Variants in DAB1 observed in about 807,000 individuals in gnomAD.
DAB1 encodes the protein disabled homolog 1.
In DAB1, 15 loss-of-function variants were observed where a neutral mutation model predicts 64.6. The observed-to-expected ratio is 0.23, with a 90% confidence interval of 0.16 to 0.36. The LOEUF is 0.36. Among genes scored for constraint, DAB1 ranks in the 10% least tolerant of loss-of-function variants. DAB1 has a pLI of 1.00. For synonymous variants in DAB1, 235 were observed against 251.9 expected, an observed-to-expected ratio of 0.93 and a Z score of 0.64; for missense variants, 596 against 706.7, an observed-to-expected ratio of 0.84 and a Z score of 1.78.
chr1:58,221,272 T>G (rs1659158216), intron 4 of DAB1, among the ~76,000 whole-genome samples: 1 of 152,210 alleles, frequency 6.6e-6, no homozygotes, highest in African/African-American at 2.4e-5. Context: ...TATAGATTGC[T>G]AGAACTGATC....
chr1:58,000,846 C>T (rs1646497321), intron 5 of DAB1, among the ~76,000 whole-genome samples: 1 of 152,004 alleles, frequency 6.6e-6, no homozygotes, highest in South Asian at 2.1e-4. Context: ...GCTGGGATTA[C>T]AGGTACGAGC....
intron 4 of DAB1, among the ~76,000 whole-genome samples, chr1:58,221,466 C>T (rs776276247): frequency 6.6e-6 from 1 of 152,202 alleles, no homozygotes; most frequent in Non-Finnish European, 1.5e-5. Flanking sequence ...CACATGCTTG[C>T]AAGCAAACCA....
At chr1:57,612,584 G>C (rs1645741828) in intron 7 of DAB1, among the ~76,000 whole-genome samples, 1 of 152,162 alleles carries the variant, frequency 6.6e-6, no homozygotes, top group South Asian at 2.1e-4. Flanking sequence ...ACAGGTGCAG[G>C]CATTCCTAGA....
chr1:57,423,450 G>T (rs920359489), intron 1 of DAB1, among the ~76,000 whole-genome samples: 1 of 152,138 alleles, frequency 6.6e-6, no homozygotes, highest in African/African-American at 2.4e-5. Flanking sequence ...GAGGAGTAGG[G>T]AAGTGAGAAC....
At position 57,918,067 on chromosome 1, in the gene DAB1, CAATAAATA is replaced by C. The variant is rs59397849; in HGVS notation, n.388-33913_388-33906del. ...GGGGTGACAGAGTGAGACTCCGTCT[CAATAAATA>C]AATAAATAAATAAATAAATAAATAA... On this transcript the variant is annotated intron_variant and non_coding_transcript_variant, in intron 5 of 20. Coordinates refer to the DAB1 transcript ENST00000485760. Among the ~76,000 whole-genome samples the C allele has an allele frequency of 5.0e-3, 689 of 138,682 alleles. 1 individual carries two copies. The highest frequency in any genetic ancestry group is 0.014 in the Middle Eastern group (4 of 276). 91.0% of individuals were successfully genotyped at this position (138,682 alleles called of 152,430 possible). A position where few individuals can be genotyped will look rare whatever the true frequency, so the allele number is the denominator to read the frequency against.
At chr1:57,857,874 GA>G (rs1245082848) in intron 1 of DAB1, among the ~76,000 whole-genome samples, 122 of 78,976 alleles carry the variant, frequency 1.5e-3, no homozygotes, top group African/African-American at 4.5e-3. Context: ...AAAGAAAAAA[GA>G]AAAAAAAAAG....
intron 1 of DAB1, among the ~76,000 whole-genome samples, chr1:57,321,090 G>A (rs34475805): frequency 0.021 from 3,166 of 152,242 alleles, 40 homozygotes; most frequent in South Asian, 0.037. Context: ...GTGTTAAAGG[G>A]CACACAGCTA....
intron 3 of DAB1, among the ~76,000 whole-genome samples, chr1:58,352,898 T>C (rs1043722290): frequency 8.5e-5 from 13 of 152,162 alleles, no homozygotes; most frequent in Non-Finnish European, 1.2e-4. Context: ...AACCAGGAAG[T>C]TGGCCTTCAC....
chr1:58,409,985 G>A (rs1644651285), intron 3 of DAB1, among the ~76,000 whole-genome samples: 1 of 152,058 alleles, frequency 6.6e-6, no homozygotes, highest in African/African-American at 2.4e-5. Flanking sequence ...TTGAGAACCT[G>A]TACTTCCCCA....
At chr1:57,909,599 C>A (rs559267126) in intron 5 of DAB1, among the ~76,000 whole-genome samples, 1 of 151,932 alleles carries the variant, frequency 6.6e-6, no homozygotes, top group Non-Finnish European at 1.5e-5. Flanking sequence ...TGTGATTGCC[C>A]ATTACAGCTA....
At chr1:57,277,775 G>A (rs917935084) in intron 2 of DAB1, among the ~76,000 whole-genome samples, 1 of 152,124 alleles carries the variant, frequency 6.6e-6, no homozygotes, top group African/African-American at 2.4e-5. Context: ...GTGCACATTT[G>A]TCAAAGGCAG....
chr1:57,768,002 C>T (rs1649391640), intron 6 of DAB1, among the ~76,000 whole-genome samples: 1 of 151,674 alleles, frequency 6.6e-6, no homozygotes. Context: ...CACAGCAAAA[C>T]CCCGTCTCAA....
chr1:58,183,855 C>G lies in DAB1; in HGVS notation n.310-33267G>C, dbSNP rs142876947. ...CTTGCAATCAGTTTTTCTTTTATTC[C>G]TCTTTTCATTTTTAAGCCTGTTAGA... On this transcript the variant is annotated intron_variant and non_coding_transcript_variant, in intron 4 of 20. Coordinates refer to the DAB1 transcript ENST00000485760. 6.7e-3 allele frequency among the ~76,000 whole-genome samples: 1,024 copies of G among 151,878 alleles called. 12 individuals carry two copies. The highest frequency in any genetic ancestry group is 0.014 in the Middle Eastern group (4 of 292).
chr1:58,323,322 T>C (rs1452776231), intron 4 of DAB1, among the ~76,000 whole-genome samples: 1 of 152,074 alleles, frequency 6.6e-6, no homozygotes, highest in African/African-American at 2.4e-5. Context: ...GGTGAGTTTA[T>C]CACTTCCCCT....
At chr1:58,490,192 GA>G (rs1161179801) in intron 3 of DAB1, among the ~76,000 whole-genome samples, 1 of 152,076 alleles carries the variant, frequency 6.6e-6, no homozygotes, top group Non-Finnish European at 1.5e-5. Flanking sequence ...TAAAAATCTT[GA>G]AAAAAGATTA....
At chr1:57,605,242 C>T (rs1028139266) in intron 7 of DAB1, among the ~76,000 whole-genome samples, 3 of 152,168 alleles carry the variant, frequency 2.0e-5, no homozygotes, top group African/African-American at 7.2e-5. Context: ...TTTCTGTCTT[C>T]CCAGTAGATT....
intron 4 of DAB1, among the ~76,000 whole-genome samples, chr1:58,246,837 T>A (rs1294116728): frequency 6.6e-6 from 1 of 151,972 alleles, no homozygotes. Context: ...TGTGACTCTG[T>A]GTGTGAAGGT....
chr1:57,702,549 G>C (rs1646919019), intron 6 of DAB1, among the ~76,000 whole-genome samples: 1 of 152,064 alleles, frequency 6.6e-6, no homozygotes. Context: ...ATAAAGGTAT[G>C]CCATGATGTT....
chr1:58,389,658 A>G (rs1160848063), intron 3 of DAB1, among the ~76,000 whole-genome samples: 1 of 152,192 alleles, frequency 6.6e-6, no homozygotes, highest in African/African-American at 2.4e-5. Context: ...GGTTGTCAAG[A>G]GGTTCAAATG....
Sources: gnomAD v4.1 joint callset for allele counts (sites outside exome capture counted in the v4.1 genomes callset) on GRCh38, gnomAD v4.1.1 for gene constraint, MANE v1.5 for transcripts, NCBI Gene and HGNC (gene_info 2026-07-23, HGNC 2026-07-21) for gene names.